MYO9B: variants seen among roughly 807,000 people sequenced by gnomAD.
MYO9B encodes the protein unconventional myosin-IXb.
MYO9B carries 71 observed loss-of-function variants against 229.5 expected under a neutral mutation model. The ratio of observed to expected loss-of-function variants is 0.31; its 90% CI spans 0.26 to 0.38. The LOEUF (loss-of-function observed/expected upper bound fraction) is 0.38. Ranked by LOEUF, MYO9B falls within the 10% of genes least tolerant of loss-of-function variation. The probability of loss-of-function intolerance (pLI) is 1.00; values close to 1 mark genes in which losing one functional copy is unlikely to be tolerated. For missense variants in MYO9B, 2,255 were observed against 2,920.5 expected, an observed-to-expected ratio of 0.77 and a Z score of 5.25; for synonymous variants, 1,185 against 1,235.8, an observed-to-expected ratio of 0.96 and a Z score of 0.86.
intron 2 of MYO9B, among the ~76,000 whole-genome samples, chr19:17,115,216 C>T (rs1362659135): frequency 6.6e-6 from 1 of 152,122 alleles, no homozygotes; most frequent in African/African-American, 2.4e-5. Flanking sequence ...TTAAATCTGC[C>T]AGTGCCTATC....
At position 17,172,451 on chromosome 19, in the gene MYO9B, G is replaced by A. The variant is rs773266257; in HGVS notation, c.1909G>A (p.Ala637Thr). The change falls in exon 12 of 40, where the codon GCA becomes ACA. Residue 637 changes from alanine (A) to threonine (T), a missense_variant. Ala to Thr is a moderately conservative substitution (Grantham distance 58, BLOSUM62 0). Around this residue, in one of 7 missense-constraint regions of MYO9B, gnomAD observed 220 missense variants for 404.5 expected, o/e 0.54. Transcript: ENST00000682292. This position sits in a 1 kb window ranked among gnomAD's most constrained non-coding sequence, Gnocchi z 8.2. ...GCCAGCTTTCATCATCCAGCACTTC[G>A]CAGGGAAGGTGAAATATCAGATCAA... ...MEPAFIIQHF[A>T]GKVKYQIKDF... 1 of 1,613,772 alleles carries A rather than the reference G, an allele frequency of 6.2e-7. No homozygotes were observed. The highest frequency in any genetic ancestry group is 8.5e-7 in the Non-Finnish European group (1 of 1,179,810).
In MYO9B at chr19:17,198,097, T is replaced by C. The variant is rs536325108; in HGVS notation, c.4114-87T>C. The C allele has an allele frequency of 3.9e-4, 595 of 1,537,548 alleles. 2 individuals are homozygous for C. Among genetic ancestry groups the C allele is most frequent in the South Asian group, 1.2e-3 (97 of 83,786 alleles). On this transcript the variant is annotated intron_variant, in intron 23 of 39. Transcript: ENST00000682292. ...AAAAGCAGGAAGTGAGGTCGGTGGATGGAGTGTAAATGCCTGCAGGGGCTT... is the reference window on the plus strand; with the variant it reads ...AAAAGCAGGAAGTGAGGTCGGTGGACGGAGTGTAAATGCCTGCAGGGGCTT...
intron 20 of MYO9B, among the ~76,000 whole-genome samples, chr19:17,192,445 A>G (rs981505961): frequency 6.7e-6 from 1 of 149,948 alleles, no homozygotes; most frequent in African/African-American, 2.5e-5. Context: ...AAATACAAAA[A>G]TTAGCCAGGC....
intron 1 of MYO9B, among the ~76,000 whole-genome samples, chr19:17,079,062 A>G (rs1325820865): frequency 6.6e-6 from 1 of 152,220 alleles, no homozygotes; most frequent in Non-Finnish European, 1.5e-5. Context: ...GTAGTATTCC[A>G]TCCCCTCCAA....
chr19:17,106,178 TAG>T (rs2057791597), intron 2 of MYO9B, among the ~76,000 whole-genome samples: 1 of 152,150 alleles, frequency 6.6e-6, no homozygotes, highest in South Asian at 2.1e-4. Context: ...AAATTTTCTG[TAG>T]AGACACAGTC....
intron 11 of MYO9B, among the ~76,000 whole-genome samples, chr19:17,169,371 C>CAA (rs58898086): frequency 0.22 from 19,544 of 88,654 alleles, 2,041 homozygotes; most frequent in East Asian, 0.34. Context: ...GACTCTGTCT[C>CAA]AAAAAAAAAA....
intron 2 of MYO9B, among the ~76,000 whole-genome samples, chr19:17,131,182 G>A (rs1369025614): frequency 1.3e-5 from 2 of 152,230 alleles, no homozygotes; most frequent in Admixed American, 1.3e-4. Context: ...GCCATATTCA[G>A]ATTTGAGCCC....
intron 2 of MYO9B, among the ~76,000 whole-genome samples, chr19:17,135,667 T>A (rs2072260908): frequency 6.6e-6 from 1 of 152,100 alleles, no homozygotes. Context: ...TCACCGGGCC[T>A]GGGAGCAGCC....
At chr19:17,191,418 A>G (rs1320944206) in intron 20 of MYO9B, among the ~76,000 whole-genome samples, 199 bp downstream of exon 20, 2 of 152,166 alleles carry the variant, frequency 1.3e-5, no homozygotes, top group Non-Finnish European at 2.9e-5. Context: ...GTTCTTCAGC[A>G]GGGCTCAGCG....
At chr19:17,090,696 G>A (rs147267845) in intron 1 of MYO9B, among the ~76,000 whole-genome samples, 414 of 152,162 alleles carry the variant, frequency 2.7e-3, no homozygotes, top group Non-Finnish European at 4.3e-3. Flanking sequence ...TGCGTGGGAT[G>A]GTCATGAGTC....
intron 10 of MYO9B, among the ~76,000 whole-genome samples, chr19:17,165,929 TCTGTGG>T (rs1165566462): frequency 2.0e-4 from 31 of 152,320 alleles, no homozygotes; most frequent in African/African-American, 6.5e-4. Context: ...TGCATTATCA[TCTGTGG>T]CTGTTTTCAC....
intron 9 of MYO9B, 88 bp from the exon 10 acceptor site, chr19:17,162,900 C>G: frequency 6.9e-7 from 1 of 1,443,602 alleles, no homozygotes; most frequent in Non-Finnish European, 9.4e-7. Flanking sequence ...CCTAACAGGT[C>G]ACAGCCTGTA....
intron 4 of MYO9B, 172 bp downstream of exon 4, chr19:17,152,878 T>A: frequency 3.3e-6 from 2 of 605,652 alleles, no homozygotes; most frequent in Non-Finnish European, 5.8e-6. Flanking sequence ...GACCTGCCCC[T>A]GTGGCCTCAC....
chr19:17,128,533 C>T (rs745858862), intron 2 of MYO9B, among the ~76,000 whole-genome samples: 9 of 152,244 alleles, frequency 5.9e-5, no homozygotes, highest in Non-Finnish European at 1.2e-4. Flanking sequence ...CCCGGTCCCT[C>T]AGGCGTCCTG....
chr19:17,209,434 A>G (rs1051847148), intron 35 of MYO9B, among the ~76,000 whole-genome samples, 152 bp from the exon 36 acceptor site: 21 of 152,232 alleles, frequency 1.4e-4, no homozygotes, highest in African/African-American at 4.8e-4. Context: ...CGAAGGTCAC[A>G]CTGCATGGGA....
At position 17,179,570 on chromosome 19, in the gene MYO9B, G is replaced by A. The variant is rs2072832554; in HGVS notation, c.2220-1357G>A. The stretch of plus-strand genomic sequence containing the variant: ...GCCTCCGGAGTGACTGGGACTACAG[G>A]CATGCGCCACCATGCCCAGCTAATT... On this transcript the variant is annotated intron_variant, in intron 14 of 39. Coordinates refer to ENST00000682292, the MANE Select transcript of MYO9B (RefSeq NM_004145.4). 2.0e-5 allele frequency among the ~76,000 whole-genome samples: 3 copies of A among 151,458 alleles called. No individual in the cohort carries two copies. The South Asian group carries it at 6.3e-4, about 32-fold the overall frequency.
At chr19:17,160,458 A>G (rs546116405) in intron 8 of MYO9B, among the ~76,000 whole-genome samples, 22 of 151,876 alleles carry the variant, frequency 1.4e-4, no homozygotes, top group East Asian at 1.2e-3. Flanking sequence ...ATATGTGGGG[A>G]AAAAAGCCAA....
Position 17,201,973 on chromosome 19 carries a change from C to T in MYO9B, c.4611C>T (p.Ile1537=), listed in dbSNP as rs1006102753. Residue 1537 remains isoleucine (I), a synonymous_variant, in exon 27 of 40, where the codon ATC becomes ATT. Coordinates refer to ENST00000682292, the MANE Select transcript of MYO9B (RefSeq NM_004145.4). ...AGACGCCCATTGAGAGCTTGTTTAT[C>T]GAAGCCACCGAGAAGTTCAGGAGCA... is the stretch of plus-strand genomic sequence containing the variant. ...SQKTPIESLF[I]EATEKFRSNI... is the part of the protein sequence containing the mutation. 20 of 1,611,400 alleles carry T rather than the reference C, an allele frequency of 1.2e-5. No individual in the cohort carries two copies. The highest frequency in any genetic ancestry group is 1.7e-5 in the Non-Finnish European group (20 of 1,179,192).
intron 1 of MYO9B, among the ~76,000 whole-genome samples, chr19:17,089,365 G>C (rs2057615105): frequency 6.6e-6 from 1 of 152,162 alleles, no homozygotes; most frequent in African/African-American, 2.4e-5. Context: ...TGAGTCTGCT[G>C]TAATGCTAGT....
Sources: allele counts gnomAD v4.1 joint callset (sites outside exome capture counted in the v4.1 genomes callset), GRCh38; gene constraint gnomAD v4.1.1; regional missense constraint gnomAD v4.1.1; non-coding constraint Gnocchi (gnomAD v3.1); transcripts MANE v1.5; gene names NCBI Gene and HGNC (gene_info 2026-07-23, HGNC 2026-07-21).